LRRC37B: variants seen among roughly 807,000 people sequenced by gnomAD.
LRRC37B encodes leucine rich repeat containing 37B, also known as leucine-rich repeat-containing protein 37B.
Under a neutral mutation model 98.3 loss-of-function variants are expected in LRRC37B, and 28 were observed. That is an observed-to-expected ratio of 0.28 (90% CI 0.21 to 0.39). The LOEUF (loss-of-function observed/expected upper bound fraction) is 0.39. Ranked by LOEUF, LRRC37B falls within the 10% of genes least tolerant of loss-of-function variation. The pLI is 1.00. For missense variants in LRRC37B, 938 were observed against 1,182.7 expected (o/e 0.79, Z 3.03); for synonymous variants, 364 against 442.7 (o/e 0.82, Z 2.23).
chr17:32,015,633 A>G (rs1236810946), intron 1 of LRRC37B, among the ~76,000 whole-genome samples: 1 of 152,232 alleles, frequency 6.6e-6, no homozygotes, highest in African/African-American at 2.4e-5. Flanking sequence ...CAATAAATGT[A>G]TGGGTCAACT....
chr17:32,025,654 ACTC>A (rs1348587167), intron 2 of LRRC37B, among the ~76,000 whole-genome samples: 1 of 151,886 alleles, frequency 6.6e-6, no homozygotes, highest in Non-Finnish European at 1.5e-5. Context: ...ATTCATTTAA[ACTC>A]CTGCATAATC....
At chr17:32,033,033 G>A (rs1318575090) in intron 5 of LRRC37B, among the ~76,000 whole-genome samples, 2 of 152,096 alleles carry the variant, frequency 1.3e-5, no homozygotes, top group Non-Finnish European at 2.9e-5. Flanking sequence ...GTGTGGTGGC[G>A]GGCACATGTA....
At chr17:32,039,520 ATATGTATGTATTTT>A (rs1911356966) in intron 7 of LRRC37B, among the ~76,000 whole-genome samples, 1 of 19,428 alleles carries the variant, frequency 5.1e-5, no homozygotes, top group Non-Finnish European at 8.6e-5. Flanking sequence ...ATATATATAT[ATATGTATGTATTTT>A]TATATATATT....
exon 8 of LRRC37B, chr17:32,045,753 A>G: frequency 6.2e-7 from 1 of 1,602,184 alleles, no homozygotes; most frequent in East Asian, 2.2e-5. Flanking sequence ...AATAGCATTG[A>G]GGCTGTCTGC....
At chr17:32,031,417 A>C (rs760796750) in exon 5 of LRRC37B, 1 of 1,610,638 alleles carries the variant, frequency 6.2e-7, no homozygotes, top group East Asian at 2.2e-5. Context: ...TGAGCCTTGG[A>C]ACATTTCAGG....
At chr17:32,021,171 C>T in exon 1 of LRRC37B, 1 of 1,613,598 alleles carries the variant, frequency 6.2e-7, no homozygotes, top group Non-Finnish European at 8.5e-7. Context: ...TTTCTGGGGC[C>T]CATGGCCCCT....
At chr17:32,036,026 G>A (rs534944121) in intron 7 of LRRC37B, 4 of 202,596 alleles carry the variant, frequency 2.0e-5, no homozygotes, top group Admixed American at 5.8e-5. Flanking sequence ...TTTTTGAGAC[G>A]GAGTCTCACT....
chr17:32,007,946 G>T, upstream of LRRC37B: 1 of 546,848 alleles, frequency 1.8e-6, no homozygotes, highest in South Asian at 4.4e-5. The surrounding 1 kb of genome is among the most constrained non-coding windows in gnomAD (Gnocchi z 4.1). Flanking sequence ...GGTGTATGAT[G>T]ACTACGAGAG....
intron 10 of LRRC37B, 98 bp downstream of exon 13, chr17:32,049,492 G>A: frequency 7.6e-7 from 1 of 1,307,710 alleles, no homozygotes; most frequent in South Asian, 1.6e-5. Context: ...CCAGGCCATA[G>A]CTTGTCTTGG....
rs550454896 is a variant in LRRC37B at position 32,041,154 on chromosome 17, C to T, written c.2205-4546C>T. On this transcript the variant is annotated intron_variant, in intron 7 of 11. Coordinates refer to ENST00000327564, the Ensembl canonical transcript of LRRC37B. ...GGCAGAGAAGCTCAAGCGCAGGATG[C>T]GGGAAGCTTCCTCACGCCCCAAGCG... 495 of 770,050 alleles carry T rather than the reference C, an allele frequency of 6.4e-4. 2 individuals carry two copies. The highest frequency in any genetic ancestry group is 3.2e-3 in the Middle Eastern group (14 of 4,402). The allele number at this position is 770,050 out of a possible 1,614,324, so 47.7% of individuals were successfully genotyped here.
chr17:32,007,723 C>T, upstream of LRRC37B: 2 of 1,192,340 alleles, frequency 1.7e-6, no homozygotes, highest in Non-Finnish European at 2.1e-6. This position sits in a 1 kb window ranked among gnomAD's most constrained non-coding sequence, Gnocchi z 4.1. Flanking sequence ...GCTCCCCTCG[C>T]CGATACGCGG....
At position 32,043,043 on chromosome 17, in the gene LRRC37B, G is replaced by T. The variant is rs537449828; in HGVS notation, c.2205-2657G>T. Among the ~76,000 whole-genome samples, 789 of 152,124 alleles carry T rather than the reference G, an allele frequency of 5.2e-3. 7 individuals carry two copies. The highest frequency in any genetic ancestry group is 0.018 in the African/African-American group (733 of 41,460). On this transcript the variant is annotated intron_variant, in intron 7 of 11. Transcript: ENST00000327564. ...TGGTTCTTAGGGGCTGCACACTGAAGTCTTTAATGGTGAAGGGTCATTATG... is the reference window on the plus strand; with the variant it reads ...TGGTTCTTAGGGGCTGCACACTGAATTCTTTAATGGTGAAGGGTCATTATG...
At chr17:32,036,976 ATTTTTT>A (rs71360793) in intron 7 of LRRC37B, among the ~76,000 whole-genome samples, 1,694 of 51,538 alleles carry the variant, frequency 0.033, 13 homozygotes, top group African/African-American at 0.12. Context: ...CATCTTCAGC[ATTTTTT>A]TTTTTTTTTT....
intron 7 of LRRC37B, chr17:32,039,954 C>G (rs912118567): frequency 5.9e-5 from 9 of 152,254 alleles, no homozygotes; most frequent in African/African-American, 1.9e-4. Context: ...ACTTAGTTCT[C>G]TAAGATAGTG....
intron 9 of LRRC37B, among the ~76,000 whole-genome samples, chr17:32,048,294 A>G (rs961881126): frequency 1.3e-5 from 2 of 150,136 alleles, no homozygotes; most frequent in African/African-American, 4.9e-5. Flanking sequence ...AAAGAACAGG[A>G]TGCCCAGGCA....
chr17:32,052,363 C>T (rs898363527), intron 11 of LRRC37B: 6 of 152,102 alleles, frequency 3.9e-5, no homozygotes, highest in African/African-American at 1.4e-4. Context: ...GTTGTAGAGA[C>T]AAGATCTTGC....
chr17:32,010,229 T>C (rs938300682), intron 1 of LRRC37B, among the ~76,000 whole-genome samples: 2 of 152,244 alleles, frequency 1.3e-5, no homozygotes, highest in Non-Finnish European at 2.9e-5. Context: ...TTGCTGTCCC[T>C]GTTGCAGCTC....
At chr17:32,020,709 C>G, upstream of LRRC37B, 1 of 421,744 alleles carries the variant, frequency 2.4e-6, no homozygotes, top group Admixed American at 4.5e-5. Flanking sequence ...CAGTTGCTCT[C>G]CCCTGAAGGA....
exon 1 of LRRC37B, chr17:32,021,320 A>C (rs199855930): frequency 3.7e-6 from 6 of 1,613,660 alleles, no homozygotes; most frequent in South Asian, 1.1e-5. Flanking sequence ...TCCCATGGGA[A>C]TCTCCCCATG....
Sources: allele counts gnomAD v4.1 joint callset (sites outside exome capture counted in the v4.1 genomes callset), GRCh38; gene constraint gnomAD v4.1.1; non-coding constraint Gnocchi (gnomAD v3.1); transcripts MANE v1.5; gene names NCBI Gene and HGNC (gene_info 2026-07-23, HGNC 2026-07-21).